Variants in ST6GAL1 observed in about 807,000 individuals in gnomAD.
The protein encoded by ST6GAL1 is beta-galactoside alpha-2,6-sialyltransferase 1.
Under a neutral mutation model 38.0 loss-of-function variants are expected in ST6GAL1, and 20 were observed. That is an observed-to-expected ratio of 0.53 (90% CI 0.37 to 0.77). ST6GAL1 has a LOEUF of 0.77. Ranked by LOEUF, ST6GAL1 falls within the 30% of genes least tolerant of loss-of-function variation. ST6GAL1 has a pLI of 0.00. For missense variants in ST6GAL1, 432 were observed against 496.4 expected (o/e 0.87, Z 1.23); for synonymous variants, 196 against 188.2 (o/e 1.04, Z -0.34).
At chr3:187,067,655 C>T (rs571506126) in intron 5 of ST6GAL1, among the ~76,000 whole-genome samples, 2 of 152,058 alleles carry the variant, frequency 1.3e-5, no homozygotes, top group Admixed American at 1.3e-4. Context: ...GCTGTTTTTC[C>T]ATTGGATACA....
At chr3:186,936,939 CAAA>C (rs60914982) in intron 1 of ST6GAL1, among the ~76,000 whole-genome samples, 40 of 87,942 alleles carry the variant, frequency 4.5e-4, no homozygotes, top group African/African-American at 1.3e-3. Flanking sequence ...AAGACTGTCT[CAAA>C]AAAAAAAAAA....
intron 2 of ST6GAL1, among the ~76,000 whole-genome samples, chr3:187,002,996 A>G (rs61163344): frequency 0.033 from 5,078 of 152,322 alleles, 298 homozygotes; most frequent in African/African-American, 0.12. Context: ...GAAACTGACA[A>G]TTACCAAGAT....
intron 2 of ST6GAL1, among the ~76,000 whole-genome samples, chr3:186,982,759 G>A (rs1314424496): frequency 6.6e-6 from 1 of 151,642 alleles, no homozygotes. Flanking sequence ...TCGGCTCACT[G>A]CAATCTCCGC....
chr3:186,973,415 A>T (rs1368344279), intron 2 of ST6GAL1, among the ~76,000 whole-genome samples: 1 of 152,194 alleles, frequency 6.6e-6, no homozygotes, highest in Admixed American at 6.5e-5. Context: ...AGGATGACAC[A>T]GGGGACTGGA....
chr3:187,048,880 A>AATTTTTTTTTTTTTT (rs1286181913), intron 4 of ST6GAL1, among the ~76,000 whole-genome samples: 1 of 115,450 alleles, frequency 8.7e-6, no homozygotes, highest in African/African-American at 3.8e-5. Flanking sequence ...GAGAAATTGA[A>AATTTTTTTTTTTTTT]TTTTTTTTTT....
At chr3:186,959,114 C>G (rs1714847867) in intron 1 of ST6GAL1, among the ~76,000 whole-genome samples, 2 of 152,154 alleles carry the variant, frequency 1.3e-5, no homozygotes, top group East Asian at 3.8e-4. Context: ...ACAACACAAT[C>G]AAATAAATGT....
intron 5 of ST6GAL1, 124 bp downstream of exon 5, chr3:187,051,470 T>C: frequency 1.3e-6 from 1 of 789,890 alleles, no homozygotes; most frequent in Non-Finnish European, 2.1e-6. Context: ...CCTGAGTTCC[T>C]GATTCCTCAC....
chr3:187,030,910 C>T (rs1717724786), intron 2 of ST6GAL1, among the ~76,000 whole-genome samples: 1 of 152,158 alleles, frequency 6.6e-6, no homozygotes, highest in Non-Finnish European at 1.5e-5. Flanking sequence ...CAAGGTGATT[C>T]TGGCAACTGA....
At chr3:186,986,282 G>T (rs1252571574) in intron 2 of ST6GAL1, 1 of 152,134 alleles carries the variant, frequency 6.6e-6, no homozygotes, top group Non-Finnish European at 1.5e-5. Context: ...GAAACATCGT[G>T]CAAGTTATAT....
intron 2 of ST6GAL1, among the ~76,000 whole-genome samples, chr3:186,977,713 A>G (rs183402924): frequency 1.6e-3 from 242 of 152,352 alleles, no homozygotes; most frequent in African/African-American, 5.5e-3. Flanking sequence ...GGCCTGCTGT[A>G]TTTGAAGATC....
intron 5 of ST6GAL1, among the ~76,000 whole-genome samples, chr3:187,053,292 C>T (rs1253088018): frequency 6.6e-5 from 10 of 152,092 alleles, no homozygotes. Context: ...TGCAGAAGCT[C>T]TTTAGTTTAA....
At chr3:187,003,055 G>A (rs1403140064) in intron 2 of ST6GAL1, among the ~76,000 whole-genome samples, 1 of 152,240 alleles carries the variant, frequency 6.6e-6, no homozygotes, top group African/African-American at 2.4e-5. Flanking sequence ...TGCAGTTCCA[G>A]TCTGAGTCCA....
rs1398939146 is a variant in ST6GAL1 at position 187,075,321 on chromosome 3, C to T, written c.980-241C>T. Among the ~76,000 whole-genome samples the T allele has an allele frequency of 1.3e-5, 2 of 152,208 alleles. No individual in the cohort carries two copies. Among genetic ancestry groups the T allele is most frequent in the African/African-American group, 2.4e-5 (1 of 41,452 alleles). ...GCATTTAGGGAGGATCTATTATTCA[C>T]CAGGCCCTGGCCTAGGTGCTGGGGA... is the stretch of plus-strand genomic sequence containing the variant. On this transcript the variant is annotated intron_variant, in intron 7 of 7. Coordinates refer to ENST00000169298, the MANE Select transcript of ST6GAL1 (RefSeq NM_173216.2). The surrounding 1 kb of genome is among the most constrained non-coding windows in gnomAD (Gnocchi z 4.1).
intron 2 of ST6GAL1, among the ~76,000 whole-genome samples, chr3:186,988,419 A>G (rs529673650): frequency 3.7e-4 from 57 of 152,252 alleles, no homozygotes; most frequent in African/African-American, 1.3e-3. Context: ...GCTATTGTAT[A>G]TGCCAGAATC....
Position 186,948,459 on chromosome 3 carries a change from C to T in ST6GAL1, c.-324-15326C>T, listed in dbSNP as rs144310302. Among the ~76,000 whole-genome samples, 718 of 151,826 alleles carry T rather than the reference C, an allele frequency of 4.7e-3. 3 individuals are homozygous for T. The highest frequency in any genetic ancestry group is 0.016 in the African/African-American group (656 of 41,408). On this transcript the variant is annotated intron_variant, in intron 1 of 7. Coordinates refer to ENST00000169298, the MANE Select transcript of ST6GAL1 (RefSeq NM_173216.2). ...GGCTGGAGGCACCTGACGTTTGCTC[C>T]GGGAAGGATCAGGATGGTTGTAGGG... is the stretch of plus-strand genomic sequence containing the variant.
chr3:186,956,078 G>A (rs973846494), intron 1 of ST6GAL1, among the ~76,000 whole-genome samples: 9 of 152,034 alleles, frequency 5.9e-5, no homozygotes, highest in Admixed American at 3.3e-4. Context: ...TCGTTAGATC[G>A]TCTCTCTGTG....
chr3:186,972,413 T>C (rs1255199565), intron 2 of ST6GAL1, among the ~76,000 whole-genome samples: 6 of 152,102 alleles, frequency 3.9e-5, no homozygotes, highest in Admixed American at 1.3e-4. Context: ...CACACCCAGC[T>C]AATTTTTTGT....
intron 2 of ST6GAL1, among the ~76,000 whole-genome samples, chr3:186,994,611 T>A (rs1205404007): frequency 6.6e-6 from 1 of 152,208 alleles, no homozygotes; most frequent in East Asian, 1.9e-4. Context: ...AGCTGTTTAT[T>A]TTTTCATTTT....
chr3:187,067,159 T>C (rs1364423548), intron 5 of ST6GAL1, among the ~76,000 whole-genome samples: 1 of 140,286 alleles, frequency 7.1e-6, no homozygotes, highest in African/African-American at 2.6e-5. Context: ...CGATCTTGGC[T>C]CACTGCAACC....
Sources: gnomAD v4.1 joint callset for allele counts (sites outside exome capture counted in the v4.1 genomes callset) on GRCh38, gnomAD v4.1.1 for gene constraint, Gnocchi (gnomAD v3.1) non-coding constraint, MANE v1.5 for transcripts, NCBI Gene and HGNC (gene_info 2026-07-23, HGNC 2026-07-21) for gene names.